RBFOX1: variants seen among roughly 807,000 people sequenced by gnomAD.
The protein encoded by RBFOX1 is RNA binding protein fox-1 homolog 1.
RBFOX1 carries 8 observed loss-of-function variants against 57.7 expected under a neutral mutation model. The ratio of observed to expected loss-of-function variants is 0.14; its 90% confidence interval spans 0.08 to 0.25. The LOEUF is 0.25. Ranked by LOEUF, RBFOX1 falls within the 10% of genes least tolerant of loss-of-function variation. The pLI is 1.00. For synonymous variants in RBFOX1, 326 were observed against 222.4 expected (o/e 1.47, Z -4.15); for missense variants, 611 against 548.5 (o/e 1.11, Z -1.14).
At chr16:7,026,151 G>A (rs192903503) in intron 3 of RBFOX1, among the ~76,000 whole-genome samples, 8 of 152,136 alleles carry the variant, frequency 5.3e-5, no homozygotes, top group East Asian at 1.9e-4. Context: ...CTCCCTCTGC[G>A]TGGGGTCTCC....
At chr16:6,563,880 G>A (rs1421513719) in intron 2 of RBFOX1, among the ~76,000 whole-genome samples, 1 of 151,234 alleles carries the variant, frequency 6.6e-6, no homozygotes, top group African/African-American at 2.4e-5. Flanking sequence ...GTATATGTAT[G>A]TGTGTGTGTG....
At chr16:7,693,164 C>A (rs756307930) in intron 14 of RBFOX1, 95 of 620,264 alleles carry the variant, frequency 1.5e-4, no homozygotes, top group Non-Finnish European at 4.1e-5. Context: ...CATGATCTTT[C>A]TAAACTCTGA....
chr16:6,597,066 G>C (rs1032144738), intron 2 of RBFOX1, among the ~76,000 whole-genome samples: 2 of 152,108 alleles, frequency 1.3e-5, no homozygotes, highest in Admixed American at 1.3e-4. Flanking sequence ...GTGGCTGTTT[G>C]TCACCCTGAC....
intron 1 of RBFOX1, among the ~76,000 whole-genome samples, chr16:6,208,103 A>G (rs2097267382): frequency 6.6e-6 from 1 of 152,020 alleles, no homozygotes; most frequent in Non-Finnish European, 1.5e-5. Context: ...ATTTCTCTGC[A>G]TAAAAACTAA....
chr16:7,367,711 C>T (rs2097482950), intron 4 of RBFOX1, among the ~76,000 whole-genome samples: 1 of 152,170 alleles, frequency 6.6e-6, no homozygotes, highest in African/African-American at 2.4e-5. Flanking sequence ...CTAAAGGAGG[C>T]AGCTTCTCCT....
chr16:6,612,968 G>A (rs917133517), intron 2 of RBFOX1, among the ~76,000 whole-genome samples: 7 of 151,636 alleles, frequency 4.6e-5, no homozygotes, highest in African/African-American at 7.3e-5. Context: ...TACAGTTCAC[G>A]TGCCAAGTGA....
intron 1 of RBFOX1, among the ~76,000 whole-genome samples, chr16:6,223,044 G>A: frequency 6.7e-6 from 1 of 149,394 alleles, no homozygotes; most frequent in East Asian, 2.0e-4. Context: ...CATTTTTTAT[G>A]GCTGCATAGT....
intron 3 of RBFOX1, among the ~76,000 whole-genome samples, chr16:5,679,663 T>C (rs374970549): frequency 2.4e-4 from 36 of 152,366 alleles, no homozygotes; most frequent in African/African-American, 7.9e-4. Flanking sequence ...TTCTCTTTCA[T>C]GAAGTCCTCT....
At chr16:6,340,950 C>A (rs931741575) in intron 2 of RBFOX1, among the ~76,000 whole-genome samples, 1 of 151,884 alleles carries the variant, frequency 6.6e-6, no homozygotes, top group African/African-American at 2.4e-5. Context: ...TTAGGAAAAC[C>A]AGAAGAAAAA....
At chr16:5,686,534 A>G (rs1454118819) in intron 3 of RBFOX1, among the ~76,000 whole-genome samples, 1 of 151,850 alleles carries the variant, frequency 6.6e-6, no homozygotes, top group Non-Finnish European at 1.5e-5. Context: ...CCACTGAGGG[A>G]TTTCTACTTA....
chr16:7,188,689 A>G (rs2084542956), intron 4 of RBFOX1, among the ~76,000 whole-genome samples: 3 of 152,176 alleles, frequency 2.0e-5, no homozygotes. Flanking sequence ...AGCAGGTTTC[A>G]TTTATTCTGC....
intron 3 of RBFOX1, among the ~76,000 whole-genome samples, chr16:6,907,142 A>T (rs940802816): frequency 6.6e-6 from 1 of 152,306 alleles, no homozygotes; most frequent in East Asian, 1.9e-4. Context: ...ATATCTGTAG[A>T]CATTTCTGTG....
At chr16:6,421,921 CTTTTT>C (rs35479646) in intron 2 of RBFOX1, among the ~76,000 whole-genome samples, 1 of 99,806 alleles carries the variant, frequency 1.0e-5, no homozygotes. Context: ...GGGACCAGAC[CTTTTT>C]TTTTTTTTTT....
chr16:7,188,522 G>C lies in RBFOX1; in HGVS notation c.27+136424G>C, dbSNP rs932239973. 3.9e-5 allele frequency among the ~76,000 whole-genome samples: 6 copies of C among 152,142 alleles called. No individual in the cohort carries two copies. The South Asian group carries it at 8.3e-4, about 21-fold the overall frequency. On this transcript the variant is annotated intron_variant, in intron 4 of 15. Transcript: ENST00000550418. ...AAAGGAAATGTTTTGCTGTGTGTGT[G>C]GGTGTCTGCACCTTTTCTCCCCATC...
At chr16:6,683,100 C>T (rs909402866) in intron 3 of RBFOX1, among the ~76,000 whole-genome samples, 15 of 152,026 alleles carry the variant, frequency 9.9e-5, no homozygotes, top group African/African-American at 3.6e-4. Flanking sequence ...CGAGTTTAAC[C>T]ACAGGGTTAT....
At chr16:6,779,161 C>G (rs972739984) in intron 3 of RBFOX1, among the ~76,000 whole-genome samples, 2 of 151,946 alleles carry the variant, frequency 1.3e-5, no homozygotes, top group Non-Finnish European at 2.9e-5. Flanking sequence ...TTCTAACTCC[C>G]CCTTGCTCTC....
chr16:6,626,630 C>T (rs779975889), intron 2 of RBFOX1, among the ~76,000 whole-genome samples: 4 of 151,928 alleles, frequency 2.6e-5, no homozygotes, highest in East Asian at 1.9e-4. Context: ...TATGGTGGTG[C>T]GCACCTGTAA....
At position 6,570,754 on chromosome 16, in the gene RBFOX1, G is replaced by C. The variant is rs113699308; in HGVS notation, c.-63-83849G>C. 3.9e-5 allele frequency among the ~76,000 whole-genome samples: 6 copies of C among 152,088 alleles called. No individual in the cohort carries two copies. In the East Asian group the frequency reaches 1.2e-3, roughly 29 times the overall value. On this transcript the variant is annotated intron_variant, in intron 2 of 15. Transcript: ENST00000550418. ...AGATGGCAGAATTTATGTGCCATGT[G>C]GCATTTGTTTAAGTGTGGAAATAGC... is the stretch of plus-strand genomic sequence containing the variant.
intron 4 of RBFOX1, among the ~76,000 whole-genome samples, chr16:7,287,884 T>G (rs1285361522): frequency 1.3e-5 from 2 of 152,204 alleles, no homozygotes; most frequent in African/African-American, 2.4e-5. Flanking sequence ...TTTTTCTGCT[T>G]CTTAAGCTGT....
Sources: gnomAD v4.1 joint callset for allele counts (sites outside exome capture counted in the v4.1 genomes callset) on GRCh38, gnomAD v4.1.1 for gene constraint, MANE v1.5 for transcripts, NCBI Gene and HGNC (gene_info 2026-07-23, HGNC 2026-07-21) for gene names.